Variants in CNTN6 observed in about 807,000 individuals in gnomAD.
CNTN6 encodes the protein contactin 6, also known as contactin-6.
Under a neutral mutation model 122.8 loss-of-function variants are expected in CNTN6, and 137 were observed. The observed-to-expected ratio is 1.12, with a 90% CI of 0.97 to 1.29. The LOEUF is 1.29. Ranked by LOEUF, CNTN6 falls within the 50% of genes most tolerant of loss-of-function variation. CNTN6 has a pLI of 0.00. For synonymous variants in CNTN6, 570 were observed against 426.0 expected, an observed-to-expected ratio of 1.34 and a Z score of -4.16; for missense variants, 1,634 against 1,223.4, an observed-to-expected ratio of 1.34 and a Z score of -5.01.
intron 21 of CNTN6, among the ~76,000 whole-genome samples, chr3:1,401,793 C>A (rs1282476696): frequency 6.6e-6 from 1 of 151,952 alleles, no homozygotes; most frequent in Non-Finnish European, 1.5e-5. Context: ...CTTCAAGTGG[C>A]ATCCCTTGCT....
chr3:1,129,045 A>C (rs1343599437), intron 1 of CNTN6, among the ~76,000 whole-genome samples: 1 of 152,008 alleles, frequency 6.6e-6, no homozygotes, highest in East Asian at 1.9e-4. Flanking sequence ...AAATTAGTGA[A>C]CTATATTCAA....
At chr3:1,377,917 G>A (rs1470546654) in intron 17 of CNTN6, among the ~76,000 whole-genome samples, 3 of 152,086 alleles carry the variant, frequency 2.0e-5, no homozygotes, top group East Asian at 1.9e-4. Flanking sequence ...TCATAGGGTA[G>A]GGTTTCTGCG....
chr3:1,169,936 TAGAAAA>T (rs1200306826), intron 2 of CNTN6, among the ~76,000 whole-genome samples: 14 of 152,204 alleles, frequency 9.2e-5, no homozygotes, highest in African/African-American at 3.4e-4. Flanking sequence ...TAAATTTTAT[TAGAAAA>T]AGAATACTTT....
rs1453904526 is a variant in CNTN6, at chr3:1,369,116, C to T, written c.1493-3183C>T. 5.3e-5 allele frequency among the ~76,000 whole-genome samples: 8 copies of T among 152,294 alleles called. No individual in the cohort carries two copies. In the East Asian group the frequency reaches 1.2e-3, roughly 22 times the overall value. ...GTTTCTCTGTGAACGCTCTTGCCTG[C>T]GCAGGAAATCTAGTTTCCTCTCTCT... On this transcript the variant is annotated intron_variant, in intron 12 of 22. Transcript: ENST00000446702.
intron 2 of CNTN6, among the ~76,000 whole-genome samples, chr3:1,186,166 CTT>C (rs968498144): frequency 6.6e-6 from 1 of 152,052 alleles, no homozygotes; most frequent in African/African-American, 2.4e-5. Context: ...AAAAAAGTAA[CTT>C]CTATGTATTT....
chr3:1,312,657 A>G (rs976673584), intron 7 of CNTN6, among the ~76,000 whole-genome samples: 4 of 150,666 alleles, frequency 2.7e-5, no homozygotes, highest in Non-Finnish European at 4.4e-5. Flanking sequence ...TGCAAGACAC[A>G]TTAGTTCCTT....
chr3:1,375,587 C>A (rs1709741370), intron 16 of CNTN6, among the ~76,000 whole-genome samples: 1 of 152,078 alleles, frequency 6.6e-6, no homozygotes, highest in Non-Finnish European at 1.5e-5. Context: ...CACAGCTAAA[C>A]TATGCAAAGA....
chr3:1,317,888 TA>T (rs76953561), intron 7 of CNTN6, among the ~76,000 whole-genome samples: 29,765 of 130,598 alleles, frequency 0.23, 3,410 homozygotes, highest in East Asian at 0.52. Context: ...AAATGCAGGT[TA>T]AAAAAAAAAA....
intron 2 of CNTN6, among the ~76,000 whole-genome samples, chr3:1,151,746 C>T (rs1292764753): frequency 6.6e-6 from 1 of 152,018 alleles, no homozygotes; most frequent in Non-Finnish European, 1.5e-5. Context: ...AGATTCTGCC[C>T]CTTGTGACAA....
chr3:1,179,037 T>G (rs1361963727), intron 2 of CNTN6, among the ~76,000 whole-genome samples: 1 of 152,144 alleles, frequency 6.6e-6, no homozygotes, highest in Non-Finnish European at 1.5e-5. Flanking sequence ...GCCAACATCT[T>G]CTGGTGAGAG....
chr3:1,349,319 A>G (rs1374189041), intron 11 of CNTN6, among the ~76,000 whole-genome samples: 2 of 151,722 alleles, frequency 1.3e-5, no homozygotes, highest in Non-Finnish European at 2.9e-5. Flanking sequence ...CATTCATGCA[A>G]ATCTCTACTT....
chr3:1,230,316 TGAG>T (rs1224321736), intron 4 of CNTN6, among the ~76,000 whole-genome samples: 2 of 152,142 alleles, frequency 1.3e-5, no homozygotes, highest in African/African-American at 4.8e-5. Context: ...ATCTATACGA[TGAG>T]GATACAGCAG....
rs2094730534 is a variant in CNTN6, at chr3:1,255,047, A to G, written c.359-23366A>G. 2.0e-5 allele frequency among the ~76,000 whole-genome samples: 3 copies of G among 152,158 alleles called. No homozygotes were observed. In the South Asian group the frequency reaches 6.2e-4, roughly 32 times the overall value. On this transcript the variant is annotated intron_variant, in intron 4 of 22. Coordinates refer to ENST00000446702, the MANE Select transcript of CNTN6 (RefSeq NM_001289080.2). The stretch of plus-strand genomic sequence containing the variant: ...AACTGCAGTGATTTATTTCTTCTGC[A>G]CATGGCCTCTCATGCTCCAGCCTGC...
intron 1 of CNTN6, among the ~76,000 whole-genome samples, chr3:1,126,190 C>G (rs1271045009): frequency 6.6e-6 from 1 of 151,848 alleles, no homozygotes; most frequent in African/African-American, 2.4e-5. Flanking sequence ...TGAAGGCTTT[C>G]TAAGCCTCCA....
At chr3:1,176,052 T>C (rs2093442193) in intron 2 of CNTN6, among the ~76,000 whole-genome samples, 1 of 152,154 alleles carries the variant, frequency 6.6e-6, no homozygotes, top group Non-Finnish European at 1.5e-5. Flanking sequence ...GAGTTTATTG[T>C]CCCTGTAGAA....
At chr3:1,193,125 G>C (rs964008776) in intron 2 of CNTN6, among the ~76,000 whole-genome samples, 1 of 152,108 alleles carries the variant, frequency 6.6e-6, no homozygotes, top group Non-Finnish European at 1.5e-5. Flanking sequence ...TAGCCATATT[G>C]AGCTATTAAA....
chr3:1,099,338 C>G (rs889697794), intron 1 of CNTN6, among the ~76,000 whole-genome samples: 27 of 151,882 alleles, frequency 1.8e-4, no homozygotes, highest in Non-Finnish European at 2.9e-4. Context: ...GTAGTCCCAG[C>G]TACTGGGGAG....
chr3:1,385,942 T>G, intron 20 of CNTN6, 145 bp downstream of exon 20: 1 of 674,700 alleles, frequency 1.5e-6, no homozygotes, highest in Non-Finnish European at 2.4e-6. Context: ...ATATGGATAC[T>G]TGTTGAAACC....
intron 1 of CNTN6, among the ~76,000 whole-genome samples, chr3:1,093,891 G>T (rs2090375894): frequency 6.6e-6 from 1 of 152,172 alleles, no homozygotes; most frequent in Admixed American, 6.5e-5. Flanking sequence ...GGTTTGGGGG[G>T]AAAATTGGAA....
Sources: gnomAD v4.1 joint callset for allele counts (sites outside exome capture counted in the v4.1 genomes callset) on GRCh38, gnomAD v4.1.1 for gene constraint, MANE v1.5 for transcripts, NCBI Gene and HGNC (gene_info 2026-07-23, HGNC 2026-07-21) for gene names.